The following LAMA3 variants were observed in gnomAD, a reference collection of about 807,000 sequenced individuals.
The protein encoded by LAMA3 is laminin subunit alpha-3.
Under a neutral mutation model 402.0 loss-of-function variants are expected in LAMA3, and 281 were observed. The ratio of observed to expected loss-of-function variants is 0.70; its 90% CI spans 0.63 to 0.77. LAMA3 has a LOEUF of 0.77. Ranked by LOEUF, LAMA3 falls within the 30% of genes least tolerant of loss-of-function variation. The pLI is 0.00. For synonymous variants in LAMA3, 1,431 were observed against 1,558.4 expected (o/e 0.92, Z 1.93); for missense variants, 3,840 against 4,215.5 (o/e 0.91, Z 2.47).
intron 62 of LAMA3, among the ~76,000 whole-genome samples, chr18:23,922,744 C>T (rs907118158): frequency 2.6e-5 from 4 of 152,174 alleles, no homozygotes; most frequent in Admixed American, 6.5e-5. Context: ...ATTTTATTTC[C>T]ATGAAATGGA....
At chr18:23,703,823 A>G (rs1352414037) in intron 1 of LAMA3, among the ~76,000 whole-genome samples, 1 of 152,128 alleles carries the variant, frequency 6.6e-6, no homozygotes, top group Non-Finnish European at 1.5e-5. Flanking sequence ...GGTGTTCACC[A>G]CTCACCCCAG....
intron 40 of LAMA3, 91 bp downstream of exon 40, chr18:23,882,136 G>C (rs774423458): frequency 2.3e-5 from 18 of 786,122 alleles, no homozygotes; most frequent in Non-Finnish European, 3.8e-5. Context: ...GGGGAGAATG[G>C]GAAGTGATTA....
At chr18:23,913,515 C>T (rs1192709425) in intron 56 of LAMA3, among the ~76,000 whole-genome samples, 1 of 152,186 alleles carries the variant, frequency 6.6e-6, no homozygotes, top group Non-Finnish European at 1.5e-5. Context: ...TTTTAAAATA[C>T]ATTTCTTTGA....
intron 1 of LAMA3, among the ~76,000 whole-genome samples, chr18:23,700,853 A>T (rs2060779203): frequency 6.6e-6 from 1 of 152,064 alleles, no homozygotes; most frequent in Non-Finnish European, 1.5e-5. Flanking sequence ...GCGTGCCACC[A>T]TGCCCAGCTA....
At chr18:23,845,597 G>A (rs747253128) in intron 30 of LAMA3, among the ~76,000 whole-genome samples, 1 of 152,186 alleles carries the variant, frequency 6.6e-6, no homozygotes, top group Non-Finnish European at 1.5e-5. Context: ...GGATGGCCCT[G>A]AGTATCAGCT....
chr18:23,951,285 G>T (rs1285984644), intron 72 of LAMA3, among the ~76,000 whole-genome samples: 3 of 152,212 alleles, frequency 2.0e-5, no homozygotes, highest in Non-Finnish European at 2.9e-5. Context: ...CTTGCAGCAG[G>T]CTGTAGGCCT....
At chr18:23,881,730 C>G (rs746778156) in intron 39 of LAMA3, among the ~76,000 whole-genome samples, 2 of 152,128 alleles carry the variant, frequency 1.3e-5, no homozygotes, top group Non-Finnish European at 2.9e-5. Flanking sequence ...TGTTAAGCAC[C>G]GCGTCACTGA....
intron 32 of LAMA3, among the ~76,000 whole-genome samples, chr18:23,855,562 C>A (rs2064056421): frequency 6.6e-6 from 1 of 152,170 alleles, no homozygotes. Context: ...AAGAAGAGAG[C>A]AGTTGTTATT....
chr18:23,904,194 G>A (rs1458127379), intron 50 of LAMA3, 107 bp downstream of exon 50: 8 of 1,298,262 alleles, frequency 6.2e-6, no homozygotes, highest in Non-Finnish European at 8.9e-6. Flanking sequence ...CCAGAACTGG[G>A]TGGAGGGCGG....
chr18:23,943,721 C>A, intron 68 of LAMA3, 67 bp from the exon 69 acceptor site: 1 of 1,468,772 alleles, frequency 6.8e-7, no homozygotes, highest in South Asian at 1.1e-5. Context: ...CACCCTCTGT[C>A]TCAGTGCTGA....
Position 23,753,718 on chromosome 18 carries a change from C to T in LAMA3, c.856-3C>T, listed in dbSNP as rs1271730651. On this transcript the variant is annotated splice_region_variant and splice_polypyrimidine_tract_variant and intron_variant, in intron 5 of 74. Coordinates refer to ENST00000313654, the MANE Select transcript of LAMA3 (RefSeq NM_198129.4). ...CTTGCATGTTCTGTGTTCTGTTGTG[C>T]AGTATTATTACAGCATAAAGGACAT... 2 of 1,609,924 alleles carry T rather than the reference C, an allele frequency of 1.2e-6. No individual in the cohort carries two copies. The highest frequency in any genetic ancestry group is 1.7e-6 in the Non-Finnish European group (2 of 1,176,356).
At chr18:23,748,970 T>C (rs1276529527) in intron 3 of LAMA3, among the ~76,000 whole-genome samples, 1 of 152,216 alleles carries the variant, frequency 6.6e-6, no homozygotes, top group Non-Finnish European at 1.5e-5. Context: ...TTAATAACTG[T>C]CATCTCCAAT....
At chr18:23,917,258 T>C (rs544579358) in intron 60 of LAMA3, among the ~76,000 whole-genome samples, 1 of 152,338 alleles carries the variant, frequency 6.6e-6, no homozygotes, top group South Asian at 2.1e-4. Flanking sequence ...ATTTTCTTTA[T>C]CCAGTTTACC....
chr18:23,819,741 A>C (rs1242580207), intron 18 of LAMA3, 100 bp from the exon 19 acceptor site: 1 of 1,007,484 alleles, frequency 9.9e-7, no homozygotes, highest in African/African-American at 1.6e-5. Context: ...TACTCTGTCA[A>C]TGTGGTGGAG....
intron 52 of LAMA3, among the ~76,000 whole-genome samples, chr18:23,906,047 G>A (rs1212902557): frequency 2.6e-5 from 4 of 152,106 alleles, no homozygotes; most frequent in African/African-American, 4.8e-5. Flanking sequence ...TTACAAGCAT[G>A]AGCCACCATG....
chr18:23,739,893 G>A (rs1006641131), intron 2 of LAMA3, among the ~76,000 whole-genome samples: 1 of 152,144 alleles, frequency 6.6e-6, no homozygotes, highest in African/African-American at 2.4e-5. Flanking sequence ...TAGGTAACTT[G>A]GTTGCTGGTT....
chr18:23,928,238 A>G lies in LAMA3; in HGVS notation c.8293A>G (p.Lys2765Glu). 6.3e-7 allele frequency: 1 copy of G among 1,589,428 alleles called. No individual in the cohort carries two copies. ...GVTKKCSEDW[K>E]LVRSASFSRG... ...AACCAAAAAGTGCTCGGAAGACTGG[A>G]AGGTAAGTGAAAGTTCAGAACCTCG... is the stretch of plus-strand genomic sequence containing the variant. The change falls in exon 63 of 75, where the codon AAG becomes GAG. Residue 2765 changes from lysine to glutamate, a missense_variant and splice_region_variant. Coordinates refer to ENST00000313654, the MANE Select transcript of LAMA3 (RefSeq NM_198129.4).
At chr18:23,743,734 T>C (rs2061602122) in intron 2 of LAMA3, among the ~76,000 whole-genome samples, 1 of 152,200 alleles carries the variant, frequency 6.6e-6, no homozygotes, top group African/African-American at 2.4e-5. Flanking sequence ...ACCTAAACAA[T>C]CACCAACACA....
chr18:23,858,709 G>A lies in LAMA3; in HGVS notation c.4302G>A (p.Glu1434=), dbSNP rs1296765019. The change falls in exon 34 of 75, where the codon GAG becomes GAA. Residue 1434 remains glutamate (E), a synonymous_variant. Coordinates refer to ENST00000313654, the MANE Select transcript of LAMA3 (RefSeq NM_198129.4). ...AATAGGAAAATGTAGAAGGCACAGA[G>A]TGTAATGTGTGTCGAGAAGGCTCAT... ...CLCKENVEGT[E]CNVCREGSFH... is the part of the protein sequence containing the mutation. The A allele has an allele frequency of 1.9e-6, 3 of 1,614,202 alleles. No individual in the cohort carries two copies. Among genetic ancestry groups the A allele is most frequent in the Non-Finnish European group, 2.5e-6 (3 of 1,180,028 alleles).
Sources: allele counts gnomAD v4.1 joint callset (sites outside exome capture counted in the v4.1 genomes callset), GRCh38; gene constraint gnomAD v4.1.1; transcripts MANE v1.5; gene names NCBI Gene and HGNC (gene_info 2026-07-23, HGNC 2026-07-21).